SCAI: variants seen among roughly 807,000 people sequenced by gnomAD.
The protein encoded by SCAI is protein SCAI.
Under a neutral mutation model 92.2 loss-of-function variants are expected in SCAI, and 24 were observed. That is an observed-to-expected ratio of 0.26 (90% CI 0.19 to 0.37). The LOEUF (loss-of-function observed/expected upper bound fraction) is 0.37, where lower values mean the gene tolerates loss of function less well. Ranked by LOEUF, SCAI falls within the 10% of genes least tolerant of loss-of-function variation. SCAI has a pLI of 1.00. For synonymous variants in SCAI, 261 were observed against 258.6 expected (o/e 1.01, Z -0.09); for missense variants, 450 against 736.2 (o/e 0.61, Z 4.50).
At chr9:124,955,933 A>G (rs1032082791) in intron 17 of SCAI, among the ~76,000 whole-genome samples, 11 of 152,216 alleles carry the variant, frequency 7.2e-5, no homozygotes, top group Non-Finnish European at 5.9e-5. Context: ...AATCTAAAAA[A>G]GAAAATTCCA....
At chr9:125,036,909 C>A (rs1182075166) in intron 3 of SCAI, among the ~76,000 whole-genome samples, 1 of 152,192 alleles carries the variant, frequency 6.6e-6, no homozygotes, top group African/African-American at 2.4e-5. Flanking sequence ...GCACTTGAAC[C>A]CAGAAGTTCA....
chr9:124,981,796 C>A (rs78902905), intron 14 of SCAI, among the ~76,000 whole-genome samples: 6 of 152,160 alleles, frequency 3.9e-5, no homozygotes, highest in East Asian at 1.9e-4. Flanking sequence ...ACTGCACAGA[C>A]GTGGCACCAC....
At chr9:125,142,569 T>A in intron 2 of SCAI, 64 bp downstream of exon 2, 1 of 1,200,586 alleles carries the variant, frequency 8.3e-7, no homozygotes, top group Non-Finnish European at 1.2e-6. Context: ...AATTATGCAG[T>A]ACGGCACAGG....
intron 9 of SCAI, among the ~76,000 whole-genome samples, chr9:125,015,826 T>C (rs1417236401): frequency 6.6e-6 from 1 of 151,984 alleles, no homozygotes. Context: ...GTGGCACATA[T>C]ACACCATGGA....
chr9:125,122,902 G>A (rs576079071), intron 2 of SCAI, among the ~76,000 whole-genome samples: 1 of 152,114 alleles, frequency 6.6e-6, no homozygotes, highest in African/African-American at 2.4e-5. Flanking sequence ...GTGAGACCCT[G>A]TCTCAAAAAT....
chr9:125,048,054 CT>C (rs1269176085), intron 3 of SCAI, among the ~76,000 whole-genome samples: 5 of 152,156 alleles, frequency 3.3e-5, no homozygotes, highest in Non-Finnish European at 7.3e-5. Context: ...TCTCGGCTCA[CT>C]GCAACCTCTG....
chr9:124,971,657 G>A lies in SCAI; in HGVS notation c.1573+14C>T. On this transcript the variant is annotated intron_variant, in intron 16 of 17. Transcript: ENST00000336505. The stretch of plus-strand genomic sequence containing the variant: ...GTACATTCTGTTAAACGTGCAGTTA[G>A]ATTAGGAGGGTACCTATTGAACGTG... 3 of 1,582,730 alleles carry A rather than the reference G, an allele frequency of 1.9e-6. No individual in the cohort carries two copies. The Admixed American group carries it at 5.6e-5, about 29-fold the overall frequency.
intron 16 of SCAI, 41 bp from the exon 17 acceptor site, chr9:124,971,511 T>C (rs1564361713): frequency 1.3e-6 from 2 of 1,506,562 alleles, no homozygotes; most frequent in Non-Finnish European, 1.8e-6. Context: ...GATGCTTAAA[T>C]GGAAATTATG....
At chr9:125,025,546 T>C (rs181939928) in intron 6 of SCAI, among the ~76,000 whole-genome samples, 3 of 152,250 alleles carry the variant, frequency 2.0e-5, no homozygotes, top group Non-Finnish European at 4.4e-5. Context: ...TTTTAAGATA[T>C]AATTTATCTC....
At chr9:125,012,982 G>C (rs1335150243) in intron 9 of SCAI, among the ~76,000 whole-genome samples, 1 of 151,964 alleles carries the variant, frequency 6.6e-6, no homozygotes, top group South Asian at 2.1e-4. Context: ...TGAAACCAAC[G>C]AGAACAAAGA....
rs187407469 is a variant in SCAI, at chr9:125,002,132, G to A, written c.1066-89C>T. The A allele has an allele frequency of 6.5e-5, 61 of 931,496 alleles. No homozygotes were observed. The Middle Eastern group carries it at 1.3e-3, about 20-fold the overall frequency. The allele number at this position is 931,496 out of a possible 1,614,324, so 57.7% of individuals were successfully genotyped here. A position where few individuals can be genotyped will look rare whatever the true frequency, so the allele number is the denominator to read the frequency against. Reference sequence around the variant, plus strand: ...AAAGTTCATGACATCTTAAAGTTGTGAAATAAATAAGAATGCACTGTTGTC... The same window carrying A: ...AAAGTTCATGACATCTTAAAGTTGTAAAATAAATAAGAATGCACTGTTGTC... On this transcript the variant is annotated intron_variant, in intron 11 of 17. Transcript: ENST00000336505.
Position 125,124,431 on chromosome 9 carries a change from G to A in SCAI, c.98+18202C>T, listed in dbSNP as rs192357978. Among the ~76,000 whole-genome samples the A allele has an allele frequency of 1.5e-3, 232 of 152,278 alleles. 2 individuals carry two copies. The Middle Eastern group carries it at 0.02, about 13-fold the overall frequency. ...TTGCAGTCCAAGTCTAAAGGCCTGAGAACCAAGGGAATCAATGGCGCAAGT... is the reference window on the plus strand; with the variant it reads ...TTGCAGTCCAAGTCTAAAGGCCTGAAAACCAAGGGAATCAATGGCGCAAGT... On this transcript the variant is annotated intron_variant, in intron 2 of 17. Coordinates refer to ENST00000336505, the MANE Select transcript of SCAI (RefSeq NM_001144877.3).
At chr9:125,066,722 G>A (rs555206074) in intron 2 of SCAI, among the ~76,000 whole-genome samples, 1 of 152,224 alleles carries the variant, frequency 6.6e-6, no homozygotes, top group East Asian at 1.9e-4. Context: ...CAAAGTGCTG[G>A]GATTACAGGC....
At position 124,948,774 on chromosome 9, in the gene SCAI, A is replaced by T. The variant is rs1171602509; in HGVS notation, c.*4033T>A. The T allele has an allele frequency of 6.6e-6, 1 of 152,224 alleles. No homozygotes were observed. The highest frequency in any genetic ancestry group is 2.4e-5 in the African/African-American group (1 of 41,446). The allele number at this position is 152,224 out of a possible 1,614,324, so 9.4% of individuals were successfully genotyped here. On this transcript the variant is annotated 3_prime_UTR_variant, in exon 18 of 18. Transcript: ENST00000336505. Reference sequence around the variant, plus strand: ...CAGTGATAGTTAAGAGAGATGAGAGACTATCAGAATCTCCAGGGACAGTTT... The same window carrying T: ...CAGTGATAGTTAAGAGAGATGAGAGTCTATCAGAATCTCCAGGGACAGTTT...
chr9:125,086,296 T>C (rs938461487), intron 2 of SCAI, among the ~76,000 whole-genome samples: 1 of 152,170 alleles, frequency 6.6e-6, no homozygotes, highest in African/African-American at 2.4e-5. Context: ...TCAAAGGCAG[T>C]GAAACAGTTT....
chr9:125,032,349 G>A (rs1252128458), intron 3 of SCAI, among the ~76,000 whole-genome samples: 2 of 150,590 alleles, frequency 1.3e-5, no homozygotes, highest in African/African-American at 2.4e-5. Context: ...ACGATACCAC[G>A]CCTGGCTAAT....
intron 2 of SCAI, among the ~76,000 whole-genome samples, chr9:125,056,460 A>G (rs576141174): frequency 5.9e-5 from 9 of 152,234 alleles, no homozygotes; most frequent in South Asian, 2.1e-4. Flanking sequence ...GCGAGACACC[A>G]TCTCAAAAAA....
chr9:125,012,066 A>G lies in SCAI; in HGVS notation c.861+6733T>C, dbSNP rs58346907. Among the ~76,000 whole-genome samples the G allele has an allele frequency of 9.2e-3, 1,401 of 152,346 alleles. 12 individuals are homozygous for G. The highest frequency in any genetic ancestry group is 0.035 in the East Asian group (180 of 5,182). On this transcript the variant is annotated intron_variant, in intron 9 of 17. Transcript: ENST00000336505. Reference sequence around the variant, plus strand: ...TGGAAAGGAACAACCGGTACTAGCCACTGCAAAATCATGCCAAATTGCAAA... The same window carrying G: ...TGGAAAGGAACAACCGGTACTAGCCGCTGCAAAATCATGCCAAATTGCAAA...
intron 17 of SCAI, among the ~76,000 whole-genome samples, chr9:124,964,836 T>G (rs1300660265): frequency 2.6e-5 from 4 of 152,254 alleles, no homozygotes; most frequent in South Asian, 2.1e-4. Context: ...TACTGGCAGC[T>G]GGTGTTTATC....
Sources: gnomAD v4.1 joint callset for allele counts (sites outside exome capture counted in the v4.1 genomes callset) on GRCh38, gnomAD v4.1.1 for gene constraint, MANE v1.5 for transcripts, NCBI Gene and HGNC (gene_info 2026-07-23, HGNC 2026-07-21) for gene names.